Variants in SDK1 observed in about 807,000 individuals in gnomAD.
SDK1 encodes the protein protein sidekick-1.
In SDK1, 157 loss-of-function variants were observed where a neutral mutation model predicts 245.5. The ratio of observed to expected loss-of-function variants is 0.64; its 90% CI spans 0.56 to 0.73. The LOEUF (loss-of-function observed/expected upper bound fraction) is 0.73, where lower values mean the gene tolerates loss of function less well. Ranked by LOEUF, SDK1 falls within the 30% of genes least tolerant of loss-of-function variation. SDK1 has a pLI of 0.00. For synonymous variants in SDK1, 1,647 were observed against 1,278.5 expected, an observed-to-expected ratio of 1.29 and a Z score of -6.15; for missense variants, 3,583 against 3,002.3, an observed-to-expected ratio of 1.19 and a Z score of -4.52.
chr7:3,485,150 C>A (rs778587855), intron 1 of SDK1, among the ~76,000 whole-genome samples: 40 of 152,106 alleles, frequency 2.6e-4, no homozygotes, highest in Non-Finnish European at 5.3e-4. Flanking sequence ...TTCTCTGCAT[C>A]CTAGCCAGCA....
At chr7:3,446,687 A>G (rs1780352022) in intron 1 of SDK1, among the ~76,000 whole-genome samples, 1 of 152,202 alleles carries the variant, frequency 6.6e-6, no homozygotes, top group African/African-American at 2.4e-5. Context: ...ACCTATTTTC[A>G]AACAAGACAA....
At chr7:3,821,865 G>T (rs948858465) in intron 5 of SDK1, among the ~76,000 whole-genome samples, 3 of 152,100 alleles carry the variant, frequency 2.0e-5, no homozygotes, top group African/African-American at 7.2e-5. Context: ...GTCAATGCAT[G>T]TTGTTCCTAA....
rs996744333 is a variant in SDK1, at chr7:3,666,533, C to A, written c.713+24428C>A. Among the ~76,000 whole-genome samples the A allele has an allele frequency of 2.0e-5, 3 of 152,184 alleles. No individual in the cohort carries two copies. In the East Asian group the frequency reaches 5.8e-4, roughly 29 times the overall value. ...GTGGTTTCCCTGGGGTCTGGCGACA[C>A]CTCTCCCTGTTGCAGGTCTTGTCTG... On this transcript the variant is annotated intron_variant, in intron 4 of 44. Transcript: ENST00000404826.
intron 1 of SDK1, among the ~76,000 whole-genome samples, chr7:3,618,221 A>C (rs1583232910): frequency 6.6e-6 from 1 of 152,172 alleles, no homozygotes; most frequent in Non-Finnish European, 1.5e-5. Context: ...CCATTTTCAC[A>C]AAGTAAATGT....
intron 22 of SDK1, among the ~76,000 whole-genome samples, chr7:4,090,758 G>C (rs558816283): frequency 1.3e-5 from 2 of 152,140 alleles, no homozygotes; most frequent in Non-Finnish European, 2.9e-5. Flanking sequence ...TGCTACTGGG[G>C]CATCACTGCT....
chr7:3,358,942 C>T (rs1780879992), intron 1 of SDK1, among the ~76,000 whole-genome samples: 1 of 152,108 alleles, frequency 6.6e-6, no homozygotes, highest in Non-Finnish European at 1.5e-5. Context: ...AACATTGGTG[C>T]AGTTTTTTTC....
At chr7:3,969,798 T>C (rs574152316) in intron 11 of SDK1, among the ~76,000 whole-genome samples, 35 of 152,344 alleles carry the variant, frequency 2.3e-4, no homozygotes, top group East Asian at 1.3e-3. Context: ...GCTAAACATT[T>C]GTTAGGGACA....
At chr7:3,989,366 A>C (rs1784118463) in intron 14 of SDK1, among the ~76,000 whole-genome samples, 1 of 152,126 alleles carries the variant, frequency 6.6e-6, no homozygotes, top group African/African-American at 2.4e-5. Context: ...TGCCCCCATG[A>C]TCCAGTTACC....
chr7:3,353,804 C>G (rs994988859), intron 1 of SDK1, among the ~76,000 whole-genome samples: 4 of 142,202 alleles, frequency 2.8e-5, no homozygotes, highest in African/African-American at 9.9e-5. Flanking sequence ...TCTAGAAGAT[C>G]ACTAGAAAAA....
At chr7:4,103,136 GA>G (rs1252392259) in intron 22 of SDK1, among the ~76,000 whole-genome samples, 1 of 152,018 alleles carries the variant, frequency 6.6e-6, no homozygotes, top group African/African-American at 2.4e-5. Context: ...GAGTAGCTGG[GA>G]CTACAGGCGC....
intron 1 of SDK1, among the ~76,000 whole-genome samples, chr7:3,570,056 G>A (rs994844051): frequency 2.0e-5 from 3 of 152,266 alleles, no homozygotes; most frequent in South Asian, 4.1e-4. Flanking sequence ...TTTGAGAGAG[G>A]TGGGGACAGA....
chr7:3,903,429 A>G (rs1583537487), intron 5 of SDK1, among the ~76,000 whole-genome samples: 3 of 152,278 alleles, frequency 2.0e-5, no homozygotes, highest in African/African-American at 7.2e-5. Flanking sequence ...TACAGGCACG[A>G]GCCACCGCGC....
intron 38 of SDK1, among the ~76,000 whole-genome samples, chr7:4,212,938 CA>C (rs543257968): frequency 4.5e-4 from 68 of 152,150 alleles, no homozygotes; most frequent in Non-Finnish European, 8.5e-4. Context: ...GTGGAAACTC[CA>C]TGGTGTGTGC....
At chr7:4,228,011 CACTT>C (rs1785540579) in intron 40 of SDK1, among the ~76,000 whole-genome samples, 1 of 152,164 alleles carries the variant, frequency 6.6e-6, no homozygotes, top group African/African-American at 2.4e-5. Context: ...CAATATTAGC[CACTT>C]ACTTCCCTTG....
chr7:3,617,593 G>A (rs967919301), intron 1 of SDK1, among the ~76,000 whole-genome samples: 3 of 152,218 alleles, frequency 2.0e-5, no homozygotes, highest in African/African-American at 7.2e-5. Flanking sequence ...AGGCTGGACA[G>A]TTCAACAACA....
intron 1 of SDK1, among the ~76,000 whole-genome samples, chr7:3,417,953 C>T (rs1779419814): frequency 6.6e-6 from 1 of 151,996 alleles, no homozygotes; most frequent in African/African-American, 2.4e-5. Context: ...CTTAATTACT[C>T]ATTTACGCAA....
At chr7:3,556,884 C>G (rs564411222) in intron 1 of SDK1, among the ~76,000 whole-genome samples, 2 of 152,216 alleles carry the variant, frequency 1.3e-5, no homozygotes, top group East Asian at 3.9e-4. Flanking sequence ...GATGGATACC[C>G]ATACCCCGTT....
chr7:3,823,357 G>C (rs1441473872), intron 5 of SDK1, among the ~76,000 whole-genome samples: 1 of 152,046 alleles, frequency 6.6e-6, no homozygotes, highest in Non-Finnish European at 1.5e-5. Flanking sequence ...TGAGTCAAAG[G>C]GGGTGAAATT....
At chr7:3,850,240 C>T (rs1156788541) in intron 5 of SDK1, among the ~76,000 whole-genome samples, 1 of 152,200 alleles carries the variant, frequency 6.6e-6, no homozygotes, top group Non-Finnish European at 1.5e-5. Flanking sequence ...TCTCTGCATC[C>T]AATCCTCATC....
Sources: allele counts gnomAD v4.1 joint callset (sites outside exome capture counted in the v4.1 genomes callset), GRCh38; gene constraint gnomAD v4.1.1; transcripts MANE v1.5; gene names NCBI Gene and HGNC (gene_info 2026-07-23, HGNC 2026-07-21).